The following FREM3 variants were observed in gnomAD, a reference collection of about 807,000 sequenced individuals.
FREM3 encodes FRAS1 related extracellular matrix 3, also known as FRAS1-related extracellular matrix protein 3.
Under a neutral mutation model 129.1 loss-of-function variants are expected in FREM3, and 105 were observed. That is an observed-to-expected ratio of 0.81 (90% confidence interval 0.69 to 0.96). The LOEUF (loss-of-function observed/expected upper bound fraction) is 0.96. FREM3 is among the 40% of genes least tolerant of loss of function. The probability of loss-of-function intolerance (pLI) is 0.00; values close to 1 mark genes in which losing one functional copy is unlikely to be tolerated. For synonymous variants in FREM3, 1,014 were observed against 1,044.9 expected, an observed-to-expected ratio of 0.97 and a Z score of 0.57; for missense variants, 2,593 against 2,666.3, an observed-to-expected ratio of 0.97 and a Z score of 0.61.
At chr4:143,619,004 C>T (rs1738902721) in intron 5 of FREM3, among the ~76,000 whole-genome samples, 2 of 152,184 alleles carry the variant, frequency 1.3e-5, no homozygotes, top group Non-Finnish European at 2.9e-5. Flanking sequence ...TTATAGATAA[C>T]ATCTCTAACT....
chr4:143,579,407 C>G, intron 7 of FREM3, among the ~76,000 whole-genome samples: 1 of 152,164 alleles, frequency 6.6e-6, no homozygotes, highest in African/African-American at 2.4e-5. Flanking sequence ...AAGCTGAGAT[C>G]ACGCCACTGT....
At chr4:143,582,915 TGGG>T (rs1738172938) in intron 7 of FREM3, among the ~76,000 whole-genome samples, 1 of 150,888 alleles carries the variant, frequency 6.6e-6, no homozygotes, top group Non-Finnish European at 1.5e-5. Flanking sequence ...TTTTTTGAGA[TGGG>T]TTTGAACTCT....
rs1047824919 is a variant in FREM3 at position 143,585,428 on chromosome 4, C to A, written c.6178+416G>T. Among the ~76,000 whole-genome samples the A allele has an allele frequency of 1.3e-5, 2 of 152,168 alleles. No individual in the cohort carries two copies. Among genetic ancestry groups the A allele is most frequent in the African/African-American group, 4.8e-5 (2 of 41,430 alleles). On this transcript the variant is annotated intron_variant, in intron 7 of 7. Transcript: ENST00000329798. This position sits in a 1 kb window ranked among gnomAD's most constrained non-coding sequence, Gnocchi z 4.2. ...GGGCATGAAGACATGCTGTTTGAAG[C>A]TAAGGCAAATGCCTGAGTCTGAAGT...
chr4:143,589,816 G>A (rs376568788), intron 6 of FREM3, among the ~76,000 whole-genome samples: 4 of 152,136 alleles, frequency 2.6e-5, no homozygotes, highest in Admixed American at 1.3e-4. Context: ...CATTGAATCT[G>A]TAAATTACCT....
intron 2 of FREM3, among the ~76,000 whole-genome samples, chr4:143,674,308 G>T (rs569397106): frequency 2.1e-4 from 32 of 152,252 alleles, no homozygotes; most frequent in African/African-American, 7.7e-4. Flanking sequence ...ATAAGTGGAG[G>T]AGAAATAAAA....
intron 6 of FREM3, among the ~76,000 whole-genome samples, chr4:143,606,319 G>A (rs1440820933): frequency 2.6e-5 from 4 of 151,658 alleles, no homozygotes; most frequent in Non-Finnish European, 1.5e-5. Context: ...TCTTCAAGGG[G>A]TTTGCTTGCT....
chr4:143,589,081 G>C (rs1738303255), intron 6 of FREM3, among the ~76,000 whole-genome samples: 1 of 151,924 alleles, frequency 6.6e-6, no homozygotes, highest in Non-Finnish European at 1.5e-5. Flanking sequence ...GCCCACTTGT[G>C]GATGGGGTTG....
rs771121706 is a variant in FREM3, at chr4:143,700,593, G to T, written c.83C>A (p.Ala28Glu). 6.8e-5 allele frequency: 100 copies of T among 1,476,364 alleles called. No homozygotes were observed. In the Middle Eastern group the frequency reaches 1.7e-3, roughly 25 times the overall value. The allele number at this position is 1,476,364 out of a possible 1,614,324, so 91.5% of individuals were successfully genotyped here. ...AAGTGAGGATGCCCGTCCCTGCAGCGCGGGGCGACTCAAGAGCAGGCAGGC... is the reference window on the plus strand; with the variant it reads ...AAGTGAGGATGCCCGTCCCTGCAGCTCGGGGCGACTCAAGAGCAGGCAGGC... ...ALACLLLSRP[A>E]LQGRASSLGT... The change falls in exon 1 of 8, where the codon GCG becomes GAG. Residue 28 changes from alanine (A) to glutamate (E), a missense_variant. Coordinates refer to ENST00000329798, the MANE Select transcript of FREM3 (RefSeq NM_001168235.2).
At chr4:143,695,468 G>A (rs1578873962) in intron 1 of FREM3, 23 bp downstream of exon 1, 1 of 1,515,146 alleles carries the variant, frequency 6.6e-7, no homozygotes, top group Non-Finnish European at 8.8e-7. Flanking sequence ...GGACAGAATA[G>A]GCAGGGAAGA....
At chr4:143,646,058 A>G (rs1739408928) in intron 2 of FREM3, among the ~76,000 whole-genome samples, 1 of 152,214 alleles carries the variant, frequency 6.6e-6, no homozygotes, top group African/African-American at 2.4e-5. Context: ...GAAGTATTTT[A>G]ATGTTACCTA....
chr4:143,625,054 G>A (rs1739017944), intron 3 of FREM3, among the ~76,000 whole-genome samples: 1 of 152,024 alleles, frequency 6.6e-6, no homozygotes. Flanking sequence ...ATAGTAATTA[G>A]TAACTTACTG....
chr4:143,636,646 AC>A (rs1739238021), intron 2 of FREM3, among the ~76,000 whole-genome samples: 1 of 152,104 alleles, frequency 6.6e-6, no homozygotes, highest in African/African-American at 2.4e-5. Context: ...TTACCTAAAT[AC>A]TATATTTAGG....
At chr4:143,643,698 C>G (rs901792486) in intron 2 of FREM3, among the ~76,000 whole-genome samples, 40 of 152,046 alleles carry the variant, frequency 2.6e-4, no homozygotes, top group African/African-American at 9.4e-4. Flanking sequence ...GGCTGGTCAA[C>G]AGGCAGAAAG....
At chr4:143,667,372 C>T (rs1329703634) in intron 2 of FREM3, among the ~76,000 whole-genome samples, 1 of 152,080 alleles carries the variant, frequency 6.6e-6, no homozygotes, top group Admixed American at 6.6e-5. Flanking sequence ...AACTGAGAAT[C>T]TAATGCTGGG....
At chr4:143,648,998 A>C (rs1015244650) in intron 2 of FREM3, among the ~76,000 whole-genome samples, 1 of 152,172 alleles carries the variant, frequency 6.6e-6, no homozygotes, top group Admixed American at 6.5e-5. Context: ...TCCTGGCCTC[A>C]TGTGATCCTC....
intron 6 of FREM3, among the ~76,000 whole-genome samples, chr4:143,593,244 C>A (rs1203359693): frequency 6.6e-6 from 1 of 152,214 alleles, no homozygotes; most frequent in East Asian, 1.9e-4. Flanking sequence ...TCGTCAAAGT[C>A]ATTCTCTGTC....
Position 143,700,183 on chromosome 4 carries a change from A to G in FREM3, c.493T>C (p.Ser165Pro). Reference sequence around the variant, plus strand: ...TTACGCGTCACCAGCTCCAGCTGGGAGAAGACCAAGTCCACCGCCAGCGTG... The same window carrying G: ...TTACGCGTCACCAGCTCCAGCTGGGGGAAGACCAAGTCCACCGCCAGCGTG... The part of the protein sequence containing the change: ...PFTLAVDLVF[S>P]QLELVTRNRP... Residue 165 changes from serine (S) to proline (P), a missense_variant, in exon 1 of 8, where the codon TCC (serine) becomes CCC (proline). By Grantham distance (74) the Ser-to-Pro change is moderately conservative. Coordinates refer to ENST00000329798, the MANE Select transcript of FREM3 (RefSeq NM_001168235.2). 10 of 1,536,996 alleles carry G rather than the reference A, an allele frequency of 6.5e-6. No homozygotes were observed. Among genetic ancestry groups the G allele is most frequent in the Non-Finnish European group, 8.7e-6 (10 of 1,146,904 alleles).
chr4:143,646,194 A>G (rs535404076), intron 2 of FREM3, among the ~76,000 whole-genome samples: 17 of 152,250 alleles, frequency 1.1e-4, no homozygotes, highest in Admixed American at 2.0e-4. Flanking sequence ...ATTGGAAAAT[A>G]TGAGGAAGAA....
chr4:143,698,609 G>A lies in FREM3; in HGVS notation c.2067C>T (p.His689=), dbSNP rs1240107906. 2 of 1,537,858 alleles carry A rather than the reference G, an allele frequency of 1.3e-6. No individual in the cohort carries two copies. Among genetic ancestry groups the A allele is most frequent in the Non-Finnish European group, 1.7e-6 (2 of 1,147,040 alleles). ...DHDPPNLSKQ[H]IFTIKVQPVD... ...CTGGTTGGACCTTGATGGTGAAAAT[G>A]TGCTGTTTGGAGAGATTGGGTGGGT... The change falls in exon 1 of 8, where the codon CAC becomes CAT. Residue 689 remains histidine (H), a synonymous_variant. Coordinates refer to ENST00000329798, the MANE Select transcript of FREM3 (RefSeq NM_001168235.2).
Sources: gnomAD v4.1 joint callset for allele counts (sites outside exome capture counted in the v4.1 genomes callset) on GRCh38, gnomAD v4.1.1 for gene constraint, Gnocchi (gnomAD v3.1) non-coding constraint, MANE v1.5 for transcripts, NCBI Gene and HGNC (gene_info 2026-07-23, HGNC 2026-07-21) for gene names.